Variants in SLC2A9 observed in about 807,000 individuals in gnomAD.
The protein encoded by SLC2A9 is solute carrier family 2, facilitated glucose transporter member 9.
A neutral mutation model predicts 50.6 loss-of-function variants in SLC2A9; 39 were observed. The ratio of observed to expected loss-of-function variants is 0.77; its 90% CI spans 0.60 to 1.01. SLC2A9 has a LOEUF of 1.01. SLC2A9 is among the 50% of genes least tolerant of loss of function. The pLI, the probability that SLC2A9 is intolerant of heterozygous loss-of-function variation, is 0.00. For synonymous variants in SLC2A9, 324 were observed against 276.9 expected, an observed-to-expected ratio of 1.17 and a Z score of -1.69; for missense variants, 686 against 677.6, an observed-to-expected ratio of 1.01 and a Z score of -0.14.
At chr4:10,020,076 TA>T (rs1427553602) in intron 1 of SLC2A9, among the ~76,000 whole-genome samples, 1 of 133,254 alleles carries the variant, frequency 7.5e-6, no homozygotes, top group Non-Finnish European at 1.7e-5. Context: ...GTGTGTGTTG[TA>T]GGCGCCAGGC....
intron 10 of SLC2A9, among the ~76,000 whole-genome samples, chr4:9,876,565 TG>T (rs1403368413): frequency 3.5e-4 from 53 of 152,284 alleles, no homozygotes; most frequent in African/African-American, 1.2e-3. Flanking sequence ...CACTTCAGCC[TG>T]GGTGACAGAG....
chr4:9,845,749 G>T (rs1442590784), intron 10 of SLC2A9, among the ~76,000 whole-genome samples: 1 of 152,136 alleles, frequency 6.6e-6, no homozygotes, highest in African/African-American at 2.4e-5. Context: ...AATTTCTAAA[G>T]CCCTTCAAAA....
intron 6 of SLC2A9, among the ~76,000 whole-genome samples, chr4:9,939,669 C>T (rs2110250608): frequency 6.6e-6 from 1 of 151,980 alleles, no homozygotes; most frequent in South Asian, 2.1e-4. Flanking sequence ...ATTTAATGAG[C>T]TAATGTATGT....
At chr4:9,998,877 A>G (rs7678287) in intron 2 of SLC2A9, among the ~76,000 whole-genome samples, 120,708 of 152,136 alleles carry the variant, frequency 0.79, 48,029 homozygotes, top group East Asian at 0.98. Context: ...AAATAACACC[A>G]ACCAAAAGCA....
chr4:9,859,535 G>A (rs1309056503), intron 10 of SLC2A9, among the ~76,000 whole-genome samples: 2 of 152,250 alleles, frequency 1.3e-5, no homozygotes, highest in African/African-American at 2.4e-5. Flanking sequence ...TACCAGCCAT[G>A]AGGCCAAGTG....
chr4:9,908,618 A>G (rs1741133216), intron 7 of SLC2A9, among the ~76,000 whole-genome samples: 2 of 151,894 alleles, frequency 1.3e-5, no homozygotes, highest in Admixed American at 1.3e-4. Context: ...TTAGTTACAT[A>G]TGTATACATG....
intron 3 of SLC2A9, among the ~76,000 whole-genome samples, chr4:9,791,245 T>C (rs369945158): frequency 6.6e-6 from 1 of 152,218 alleles, no homozygotes; most frequent in African/African-American, 2.4e-5. Flanking sequence ...ATAAATAAAT[T>C]AGTGGAATAC....
At chr4:9,951,295 T>A (rs1233977976) in intron 5 of SLC2A9, among the ~76,000 whole-genome samples, 1 of 146,670 alleles carries the variant, frequency 6.8e-6, no homozygotes, top group South Asian at 2.2e-4. Flanking sequence ...AAAAATTTGA[T>A]CATATGGATG....
At chr4:9,954,949 T>C (rs1031767851) in intron 5 of SLC2A9, among the ~76,000 whole-genome samples, 3 of 151,754 alleles carry the variant, frequency 2.0e-5, no homozygotes, top group African/African-American at 4.8e-5. Context: ...ATCTCAGGAG[T>C]TGGGCGAGTG....
intron 8 of SLC2A9, among the ~76,000 whole-genome samples, chr4:9,893,524 GAGAA>G (rs1451029286): frequency 6.9e-6 from 1 of 145,368 alleles, no homozygotes; most frequent in Admixed American, 6.8e-5. Context: ...AACAGCTTCT[GAGAA>G]AGAGAGATAG....
At chr4:9,967,684 A>C (rs1234736231) in intron 5 of SLC2A9, among the ~76,000 whole-genome samples, 1 of 151,972 alleles carries the variant, frequency 6.6e-6, no homozygotes, top group Non-Finnish European at 1.5e-5. Flanking sequence ...AGAGATATAA[A>C]GAAAGTTATG....
chr4:9,980,636 C>A lies in SLC2A9; in HGVS notation c.637G>T (p.Val213Leu), dbSNP rs767527052. ...QVTAIFICIGVFTGQLLGLPE... is the reference protein window; with the variant it reads ...QVTAIFICIGLFTGQLLGLPE... Reference sequence around the variant, plus strand: ...AGGCCCAGAAGCTGCCCAGTGAACACGCCAATGCAGATAAAGATGGCAGTC... The same window carrying A: ...AGGCCCAGAAGCTGCCCAGTGAACAAGCCAATGCAGATAAAGATGGCAGTC... Residue 213 changes from valine to leucine, a missense_variant, in exon 5 of 12, where the codon GTG (valine) becomes TTG (leucine). Coordinates refer to ENST00000264784, the MANE Select transcript of SLC2A9 (RefSeq NM_020041.3). 6.2e-7 allele frequency: 1 copy of A among 1,614,082 alleles called. No homozygotes were observed. The highest frequency in any genetic ancestry group is 1.1e-5 in the South Asian group (1 of 91,090).
At chr4:10,027,390 C>G (rs775298724) in intron 1 of SLC2A9, among the ~76,000 whole-genome samples, 2 of 152,078 alleles carry the variant, frequency 1.3e-5, no homozygotes, top group African/African-American at 2.4e-5. Flanking sequence ...TCCTGTTTAC[C>G]ACCCCATTTT....
chr4:9,937,198 C>A (rs543673457), intron 6 of SLC2A9, among the ~76,000 whole-genome samples: 7 of 152,318 alleles, frequency 4.6e-5, no homozygotes, highest in African/African-American at 1.7e-4. Context: ...GCAAGAGTTG[C>A]TTGTTCTTTA....
At chr4:9,974,710 A>G (rs1394318971) in intron 5 of SLC2A9, among the ~76,000 whole-genome samples, 1 of 152,192 alleles carries the variant, frequency 6.6e-6, no homozygotes, top group Non-Finnish European at 1.5e-5. Context: ...CACTATTTCT[A>G]TCAAGCTACC....
chr4:9,936,632 G>C (rs1747132026), intron 6 of SLC2A9, among the ~76,000 whole-genome samples: 2 of 152,328 alleles, frequency 1.3e-5, no homozygotes, highest in South Asian at 4.1e-4. Flanking sequence ...GTCTGCATGT[G>C]TGCTGGTTCC....
Position 9,982,172 on chromosome 4 carries a change from G to A in SLC2A9, c.536-1435C>T, listed in dbSNP as rs550895121. On this transcript the variant is annotated intron_variant, in intron 4 of 11. Transcript: ENST00000264784. ...TAGGATTACAGGCGTGAGCCACTGC[G>A]CCCGGACCGGCTTTAAATTCTTTAT... 9.2e-5 allele frequency among the ~76,000 whole-genome samples: 14 copies of A among 152,318 alleles called. No homozygotes were observed. In the East Asian group the frequency reaches 1.7e-3, roughly 19 times the overall value.
chr4:10,004,281 C>A (rs1212282862), intron 2 of SLC2A9, among the ~76,000 whole-genome samples: 1 of 152,130 alleles, frequency 6.6e-6, no homozygotes, highest in Non-Finnish European at 1.5e-5. Context: ...CACAGCCATG[C>A]CAAAGATGGT....
chr4:9,883,308 A>C (rs1385647049), intron 10 of SLC2A9, among the ~76,000 whole-genome samples: 1 of 152,246 alleles, frequency 6.6e-6, no homozygotes, highest in Non-Finnish European at 1.5e-5. Flanking sequence ...TGAATGTGCT[A>C]TGGAAAGTCC....
Sources: allele counts gnomAD v4.1 joint callset (sites outside exome capture counted in the v4.1 genomes callset), GRCh38; gene constraint gnomAD v4.1.1; transcripts MANE v1.5; gene names NCBI Gene and HGNC (gene_info 2026-07-23, HGNC 2026-07-21).